Variants in SYPL1 observed in about 807,000 individuals in gnomAD.
SYPL1 encodes the protein synaptophysin like 1, also known as synaptophysin-like protein 1.
Under a neutral mutation model 23.7 loss-of-function variants are expected in SYPL1, and 6 were observed. The observed-to-expected ratio is 0.25, with a 90% CI of 0.14 to 0.50. SYPL1 has a LOEUF of 0.50. Among genes scored for constraint, SYPL1 ranks in the 20% least tolerant of loss-of-function variants. The probability of loss-of-function intolerance (pLI) is 0.98; values close to 1 mark genes in which losing one functional copy is unlikely to be tolerated. For missense variants in SYPL1, 253 were observed against 288.9 expected (o/e 0.88, Z 0.90); for synonymous variants, 102 against 104.5 (o/e 0.98, Z 0.15).
chr7:106,112,263 G>A lies in SYPL1; in HGVS notation c.-55C>T, dbSNP rs1466107666. ...GGACGACGGGGCGGAGGAGGGGACCGACGAGACCAGAGCAGCCCGGTGGCG... is the reference window on the plus strand; with the variant it reads ...GGACGACGGGGCGGAGGAGGGGACCAACGAGACCAGAGCAGCCCGGTGGCG... On this transcript the variant is annotated 5_prime_UTR_variant, in exon 1 of 5. Coordinates refer to ENST00000455385, the MANE Select transcript of SYPL1 (RefSeq NM_182715.4). 1 of 1,505,516 alleles carries A rather than the reference G, an allele frequency of 6.6e-7. No individual in the cohort carries two copies. Among genetic ancestry groups the A allele is most frequent in the Non-Finnish European group, 9.0e-7 (1 of 1,116,580 alleles). 93.3% of individuals were successfully genotyped at this position (1,505,516 alleles called of 1,614,324 possible). A position where few individuals can be genotyped will look rare whatever the true frequency, so the allele number is the denominator to read the frequency against.
intron 1 of SYPL1, among the ~76,000 whole-genome samples, chr7:106,101,921 G>A (rs1389408807): frequency 6.6e-6 from 1 of 151,708 alleles, no homozygotes; most frequent in Non-Finnish European, 1.5e-5. Flanking sequence ...GGAATGTGGT[G>A]GTTTTAAAGA....
intron 1 of SYPL1, among the ~76,000 whole-genome samples, chr7:106,102,124 GCT>G (rs1840357391): frequency 6.7e-6 from 1 of 149,060 alleles, no homozygotes; most frequent in African/African-American, 2.5e-5. Context: ...ACACAGTCTC[GCT>G]CTGTCACCCA....
At chr7:106,107,515 C>A (rs928476927) in intron 1 of SYPL1, among the ~76,000 whole-genome samples, 1 of 151,602 alleles carries the variant, frequency 6.6e-6, no homozygotes, top group Admixed American at 6.6e-5. Flanking sequence ...CCAGGGCGGA[C>A]GGACTACCTG....
intron 1 of SYPL1, among the ~76,000 whole-genome samples, chr7:106,108,851 A>G (rs1360818762): frequency 1.3e-5 from 2 of 152,290 alleles, no homozygotes; most frequent in South Asian, 2.1e-4. Flanking sequence ...AGGCTCTTTC[A>G]GGAGTTCATG....
At chr7:106,092,019 C>CTT in intron 4 of SYPL1, 80 bp from the exon 5 acceptor site, 1 of 1,370,712 alleles carries the variant, frequency 7.3e-7, no homozygotes, top group Non-Finnish European at 9.8e-7. Context: ...CTCACTTTTT[C>CTT]TTTAAATATT....
In SYPL1 at chr7:106,091,808, T is replaced by C; in HGVS notation, c.723A>G (p.Ile241Met). 6.2e-7 allele frequency: 1 copy of C among 1,610,598 alleles called. No homozygotes were observed. Among genetic ancestry groups the C allele is most frequent in the Non-Finnish European group, 8.5e-7 (1 of 1,178,846 alleles). The change falls in exon 5 of 5, where the codon ATA (isoleucine) becomes ATG (methionine). Residue 241 changes from isoleucine (I) to methionine (M), a missense_variant. By Grantham distance (10) the Ile-to-Met change is conservative. Transcript: ENST00000455385. This position sits in a 1 kb window ranked among gnomAD's most constrained non-coding sequence, Gnocchi z 5.0. Reference protein sequence around the residue: ...SQGGIPPPTGI With the variant: ...SQGGIPPPTGM Reference sequence around the variant, plus strand: ...TACAGTGTATTTCTCCCTTTAATTATATTCCGGTAGGAGGTGGAATACCTC... The same window carrying C: ...TACAGTGTATTTCTCCCTTTAATTACATTCCGGTAGGAGGTGGAATACCTC...
At chr7:106,101,137 C>T (rs921786514) in intron 1 of SYPL1, among the ~76,000 whole-genome samples, 8 of 152,092 alleles carry the variant, frequency 5.3e-5, no homozygotes, top group African/African-American at 1.7e-4. Context: ...GCACTCCTAC[C>T]CCGCACTACC....
At chr7:106,101,453 CCCCCCCCCCCCCCCA>C (rs1840313618) in intron 1 of SYPL1, among the ~76,000 whole-genome samples, 2 of 3,382 alleles carry the variant, frequency 5.9e-4, no homozygotes, top group Admixed American at 5.1e-3. Flanking sequence ...CCCCCCCCCC[CCCCCCCCCCCCCCCA>C]CAAAAAAGAT....
rs933486380 is a variant in SYPL1 at position 106,091,219 on chromosome 7, T to C, written c.*586A>G. On this transcript the variant is annotated 3_prime_UTR_variant, in exon 5 of 5. Transcript: ENST00000455385. The surrounding 1 kb of genome is among the most constrained non-coding windows in gnomAD (Gnocchi z 5.0). Reference sequence around the variant, plus strand: ...TTCCAAATCCCTGCTCCCAACACAATTTTAGTACACCTATTAAGTACCACG... The same window carrying C: ...TTCCAAATCCCTGCTCCCAACACAACTTTAGTACACCTATTAAGTACCACG... The C allele has an allele frequency of 6.6e-6, 1 of 152,120 alleles. No individual in the cohort carries two copies. The allele number at this position is 152,120 out of a possible 1,614,324, so 9.4% of individuals were successfully genotyped here.
At chr7:106,102,026 C>T (rs926714010) in intron 1 of SYPL1, among the ~76,000 whole-genome samples, 6 of 151,958 alleles carry the variant, frequency 3.9e-5, no homozygotes, top group Non-Finnish European at 8.8e-5. Context: ...CTTGCTTCTA[C>T]AGAATAGAAT....
In SYPL1 at chr7:106,109,289, C is replaced by A. The variant is rs1158589889; in HGVS notation, c.69+2851G>T. On this transcript the variant is annotated intron_variant, in intron 1 of 4. Coordinates refer to ENST00000455385, the MANE Select transcript of SYPL1 (RefSeq NM_182715.4). This position sits in a 1 kb window ranked among gnomAD's most constrained non-coding sequence, Gnocchi z 4.3. ...AATTTCTCCCATCTTCACAGTCAAA[C>A]AGCGGTTTATGCTGTCTTCACTTTC... Among the ~76,000 whole-genome samples, 2 of 152,176 alleles carry A rather than the reference C, an allele frequency of 1.3e-5. No individual in the cohort carries two copies. The highest frequency in any genetic ancestry group is 4.1e-4 in the South Asian group (2 of 4,828).
rs1228906841 is a variant in SYPL1, at chr7:106,091,053, C to T, written c.*752G>A. 1 of 152,188 alleles carries T rather than the reference C, an allele frequency of 6.6e-6. No homozygotes were observed. Among genetic ancestry groups the T allele is most frequent in the East Asian group, 1.9e-4 (1 of 5,204 alleles). 9.4% of individuals were successfully genotyped at this position (152,188 alleles called of 1,614,324 possible). On this transcript the variant is annotated 3_prime_UTR_variant, in exon 5 of 5. Transcript: ENST00000455385. The surrounding 1 kb of genome is among the most constrained non-coding windows in gnomAD (Gnocchi z 5.0). ...GCAACAAAGGACAGGAAACAAATAT[C>T]ACTAAGAGTAATGCCCATACATATA...
At chr7:106,094,911 T>C (rs1442471641) in intron 3 of SYPL1, among the ~76,000 whole-genome samples, 3 of 152,200 alleles carry the variant, frequency 2.0e-5, no homozygotes, top group African/African-American at 7.2e-5. Flanking sequence ...GGGGGAATTC[T>C]GGTCCCTTCA....
rs760702039 is a variant in SYPL1 at position 106,091,842 on chromosome 7, T to C, written c.689A>G (p.His230Arg). ...AGGAGGTGGAATACCTCCTTGGCTA[T>C]GAGGGGCAGATGTATTTGATGGACT... Reference protein sequence around the residue: ...LHSPSNTSAPHSQGGIPPPTG... With the variant: ...LHSPSNTSAPRSQGGIPPPTG... The change falls in exon 5 of 5, where the codon CAT becomes CGT. Residue 230 changes from histidine to arginine, a missense_variant. By Grantham distance (29) the His-to-Arg change is conservative (BLOSUM62 0). Coordinates refer to ENST00000455385, the MANE Select transcript of SYPL1 (RefSeq NM_182715.4). This position sits in a 1 kb window ranked among gnomAD's most constrained non-coding sequence, Gnocchi z 5.0. 8 of 1,613,562 alleles carry C rather than the reference T, an allele frequency of 5.0e-6. No individual in the cohort carries two copies. In the Admixed American group the frequency reaches 1.3e-4, roughly 27 times the overall value.
intron 1 of SYPL1, among the ~76,000 whole-genome samples, chr7:106,106,300 C>T (rs1180473537): frequency 6.6e-6 from 1 of 150,860 alleles, no homozygotes; most frequent in Admixed American, 6.6e-5. Flanking sequence ...GTAATCCCAG[C>T]ACTTTGGGAG....
intron 1 of SYPL1, among the ~76,000 whole-genome samples, chr7:106,103,340 T>C (rs937765703): frequency 6.6e-6 from 1 of 152,208 alleles, no homozygotes; most frequent in Admixed American, 6.5e-5. Context: ...AAAACCATTT[T>C]TTAAAAAGCT....
chr7:106,092,852 A>G (rs1199468756), intron 4 of SYPL1, 97 bp downstream of exon 4: 2 of 1,084,040 alleles, frequency 1.8e-6, no homozygotes, highest in Non-Finnish European at 2.5e-6. Flanking sequence ...AAAAATAAAA[A>G]CCATCCAGAG....
chr7:106,092,063 T>G, intron 4 of SYPL1, 124 bp from the exon 5 acceptor site: 1 of 883,654 alleles, frequency 1.1e-6, no homozygotes, highest in Admixed American at 2.9e-5. Context: ...TTATTTCACT[T>G]AAAGTTTAAT....
chr7:106,109,261 C>A lies in SYPL1; in HGVS notation c.69+2879G>T, dbSNP rs114247466. On this transcript the variant is annotated intron_variant, in intron 1 of 4. Transcript: ENST00000455385. The surrounding 1 kb of genome is among the most constrained non-coding windows in gnomAD (Gnocchi z 4.3). ...AACTAGTGGCTTTTTTTTGTAACCA[C>A]CAAATTTCTCCCATCTTCACAGTCA... Among the ~76,000 whole-genome samples, 506 of 152,236 alleles carry A rather than the reference C, an allele frequency of 3.3e-3. 6 individuals are homozygous for A. The highest frequency in any genetic ancestry group is 0.012 in the African/African-American group (485 of 41,530).
Sources: gnomAD v4.1 joint callset for allele counts (sites outside exome capture counted in the v4.1 genomes callset) on GRCh38, gnomAD v4.1.1 for gene constraint, Gnocchi (gnomAD v3.1) non-coding constraint, MANE v1.5 for transcripts, NCBI Gene and HGNC (gene_info 2026-07-23, HGNC 2026-07-21) for gene names.